Variants in CRBN observed in about 807,000 individuals in gnomAD.
The protein encoded by CRBN is protein cereblon.
Under a neutral mutation model 62.2 loss-of-function variants are expected in CRBN, and 53 were observed. The ratio of observed to expected loss-of-function variants is 0.85; its 90% CI spans 0.68 to 1.07. CRBN has a LOEUF of 1.07. CRBN is among the 50% of genes least tolerant of loss of function. The pLI is 0.00. For missense variants in CRBN, 616 were observed against 531.1 expected, an observed-to-expected ratio of 1.16 and a Z score of -1.57; for synonymous variants, 208 against 176.1, an observed-to-expected ratio of 1.18 and a Z score of -1.43.
In CRBN at chr3:3,154,816, T is replaced by C. The variant is rs1706810165; in HGVS notation, c.766A>G (p.Arg256Gly). The change falls in exon 7 of 11, where the codon AGA becomes GGA. Residue 256 changes from arginine (R) to glycine (G), a missense_variant. Arg to Gly is a moderately radical substitution (Grantham distance 125). Coordinates refer to ENST00000231948, the MANE Select transcript of CRBN (RefSeq NM_016302.4). ...SLYDAETLMD[R>G]IKKQLREWDE... ...CATTCACGTAGCTGTTTCTTGATTC[T>C]GTCCATTAAGGTCTCCTTGTTTAAA... 1.3e-6 allele frequency: 2 copies of C among 1,596,130 alleles called. No individual in the cohort carries two copies. The highest frequency in any genetic ancestry group is 2.2e-5 in the East Asian group (1 of 44,796).
At chr3:3,173,183 G>C (rs1174927986) in intron 3 of CRBN, among the ~76,000 whole-genome samples, 1 of 152,076 alleles carries the variant, frequency 6.6e-6, no homozygotes, top group Non-Finnish European at 1.5e-5. Context: ...CCAGCTGCCT[G>C]AGTAGCTGGG....
chr3:3,174,903 T>C (rs1324407062), intron 2 of CRBN, among the ~76,000 whole-genome samples: 1 of 152,212 alleles, frequency 6.6e-6, no homozygotes. Flanking sequence ...CTCTAGTACC[T>C]AGAAGTACAG....
intron 5 of CRBN, among the ~76,000 whole-genome samples, chr3:3,160,708 T>C (rs1473899155): frequency 6.6e-6 from 1 of 152,240 alleles, no homozygotes; most frequent in Non-Finnish European, 1.5e-5. Context: ...TGGTAGTCAC[T>C]GAAAAGCTTG....
At position 3,174,238 on chromosome 3, in the gene CRBN, T is replaced by C. The variant is rs749466263; in HGVS notation, c.198A>G (p.Glu66=). 1.4e-5 allele frequency: 23 copies of C among 1,614,018 alleles called. No individual in the cohort carries two copies. The East Asian group carries it at 5.1e-4, about 36-fold the overall frequency. Residue 66 remains glutamate, a synonymous_variant, in exon 3 of 11, where the codon GAA becomes GAG. Coordinates refer to ENST00000231948, the MANE Select transcript of CRBN (RefSeq NM_016302.4). ...SHTYLGADME[E]FHGRTLHDDD... is the part of the protein sequence containing the mutation. ...CATCGTGCAAAGTCCTGCCATGAAATTCTTCCATATCAGCACCTAGGTACT... is the reference window on the plus strand; with the variant it reads ...CATCGTGCAAAGTCCTGCCATGAAACTCTTCCATATCAGCACCTAGGTACT...
At chr3:3,156,512 T>C in intron 5 of CRBN, 1 of 541,522 alleles carries the variant, frequency 1.8e-6, no homozygotes, top group South Asian at 2.2e-5. Flanking sequence ...TTTAAAAAGG[T>C]CAAACATTAA....
chr3:3,176,891 C>G (rs941914981), intron 1 of CRBN, among the ~76,000 whole-genome samples: 3 of 152,186 alleles, frequency 2.0e-5, no homozygotes, highest in African/African-American at 7.2e-5. Context: ...TTAGAAAACG[C>G]TACACAATAC....
chr3:3,151,154 G>T, intron 10 of CRBN, 109 bp from the exon 11 acceptor site: 1 of 1,163,742 alleles, frequency 8.6e-7, no homozygotes, highest in Non-Finnish European at 1.2e-6. Context: ...AAGGATTAGA[G>T]ATTCTAAGTT....
intron 9 of CRBN, 187 bp downstream of exon 9, chr3:3,153,237 A>G (rs971800155): frequency 3.6e-6 from 2 of 553,438 alleles, no homozygotes; most frequent in Non-Finnish European, 6.6e-6. Flanking sequence ...AATCCCTGAC[A>G]TGCATTGTTG....
chr3:3,153,806 A>C, intron 8 of CRBN, 154 bp downstream of exon 8: 1 of 665,724 alleles, frequency 1.5e-6, no homozygotes, highest in Non-Finnish European at 2.7e-6. Flanking sequence ...GACAAACACA[A>C]AACAATGAGT....
chr3:3,162,362 C>T (rs1707176858), intron 5 of CRBN, among the ~76,000 whole-genome samples: 1 of 151,694 alleles, frequency 6.6e-6, no homozygotes, highest in African/African-American at 2.4e-5. Flanking sequence ...TCTCAAATCC[C>T]CCTACAGTAA....
At chr3:3,173,919 C>G (rs1349899233) in intron 3 of CRBN, 140 bp downstream of exon 3, 2 of 750,650 alleles carry the variant, frequency 2.7e-6, no homozygotes, top group Non-Finnish European at 4.6e-6. Flanking sequence ...CAAACTTCTA[C>G]TTAACCAAAT....
chr3:3,162,588 A>C (rs574396290), intron 5 of CRBN, among the ~76,000 whole-genome samples: 2 of 152,352 alleles, frequency 1.3e-5, no homozygotes, highest in East Asian at 3.9e-4. Flanking sequence ...CAGAAGCTTA[A>C]ATAATTTTAT....
chr3:3,149,779 C>T (rs1706359311), downstream of CRBN: 1 of 152,144 alleles, frequency 6.6e-6, no homozygotes, highest in African/African-American at 2.4e-5. Flanking sequence ...TTTCACTCCA[C>T]CTTCAAGGCA....
intron 4 of CRBN, among the ~76,000 whole-genome samples, chr3:3,169,719 A>G (rs755228839): frequency 3.3e-5 from 5 of 152,190 alleles, no homozygotes; most frequent in Non-Finnish European, 7.3e-5. Context: ...ATATATGTGT[A>G]ACATTTTGTG....
intron 3 of CRBN, 135 bp from the exon 4 acceptor site, chr3:3,173,060 A>G (rs1270232864): frequency 9.5e-6 from 7 of 733,162 alleles, no homozygotes; most frequent in African/African-American, 1.8e-5. Context: ...AATTTTATTT[A>G]TTTATTTATT....
intron 4 of CRBN, among the ~76,000 whole-genome samples, chr3:3,168,178 C>T (rs747092068): frequency 1.3e-5 from 2 of 152,012 alleles, no homozygotes; most frequent in Non-Finnish European, 2.9e-5. Flanking sequence ...TCTATCCCCC[C>T]ACTTCTTATG....
downstream of CRBN, chr3:3,149,728 T>TTACTC (rs1706351632): frequency 6.6e-6 from 1 of 152,136 alleles, no homozygotes; most frequent in African/African-American, 2.4e-5. Flanking sequence ...GAATTTTCAT[T>TTACTC]TACTCTATTT....
At chr3:3,153,905 T>G (rs1706753297) in intron 8 of CRBN, 55 bp downstream of exon 8, 3 of 1,110,998 alleles carry the variant, frequency 2.7e-6, no homozygotes, top group Admixed American at 1.7e-5. Context: ...CAGAGCATCC[T>G]AGTTCTCCAG....
At chr3:3,172,027 TAA>T (rs1476326898) in intron 4 of CRBN, 1 of 152,270 alleles carries the variant, frequency 6.6e-6, no homozygotes, top group Non-Finnish European at 1.5e-5. Context: ...GTTTCCTTTT[TAA>T]AAGAGGATAA....
Sources: gnomAD v4.1 joint callset for allele counts (sites outside exome capture counted in the v4.1 genomes callset) on GRCh38, gnomAD v4.1.1 for gene constraint, MANE v1.5 for transcripts, NCBI Gene and HGNC (gene_info 2026-07-23, HGNC 2026-07-21) for gene names.